SGCZ: variants seen among roughly 807,000 people sequenced by gnomAD.
SGCZ encodes sarcoglycan zeta, also known as zeta-sarcoglycan.
SGCZ carries 40 observed loss-of-function variants against 41.3 expected under a neutral mutation model. That is an observed-to-expected ratio of 0.97 (90% CI 0.75 to 1.26). The LOEUF is 1.26. SGCZ is among the 50% of genes most tolerant of loss of function. The pLI is 0.00. For synonymous variants in SGCZ, 206 were observed against 137.5 expected, an observed-to-expected ratio of 1.50 and a Z score of -3.49; for missense variants, 552 against 369.8, an observed-to-expected ratio of 1.49 and a Z score of -4.04.
chr8:14,440,848 T>G lies in SGCZ; in HGVS notation c.234+113884A>C, dbSNP rs534886598. Among the ~76,000 whole-genome samples the G allele has an allele frequency of 1.3e-4, 18 of 135,056 alleles. 1 individual carries two copies. The highest frequency in any genetic ancestry group is 2.4e-4 in the Non-Finnish European group (15 of 62,176). The allele number at this position is 135,056 out of a possible 152,430, so 88.6% of individuals were successfully genotyped here. A position where few individuals can be genotyped will look rare whatever the true frequency, so the allele number is the denominator to read the frequency against. ...ATATACATACATATATGTGTACATA[T>G]ATGTACACACACACACACACACACG... On this transcript the variant is annotated intron_variant, in intron 2 of 7. Coordinates refer to ENST00000382080, the MANE Select transcript of SGCZ (RefSeq NM_139167.4).
intron 1 of SGCZ, among the ~76,000 whole-genome samples, chr8:14,882,050 G>A (rs1364423905): frequency 1.3e-5 from 2 of 152,194 alleles, no homozygotes; most frequent in African/African-American, 4.8e-5. Context: ...TAACATACCT[G>A]AATTTCTGGG....
chr8:14,712,832 T>C (rs1446487462), intron 1 of SGCZ, among the ~76,000 whole-genome samples: 1 of 152,142 alleles, frequency 6.6e-6, no homozygotes, highest in African/African-American at 2.4e-5. Context: ...TTAATGTGAA[T>C]GAGTCACTGG....
chr8:14,658,826 G>A (rs558622858), intron 1 of SGCZ, among the ~76,000 whole-genome samples: 1 of 151,652 alleles, frequency 6.6e-6, no homozygotes, highest in East Asian at 1.9e-4. Flanking sequence ...GTATCTAGCA[G>A]AGAGCAGATG....
intron 3 of SGCZ, among the ~76,000 whole-genome samples, chr8:14,316,518 A>C (rs901457881): frequency 6.6e-6 from 1 of 152,024 alleles, no homozygotes; most frequent in South Asian, 2.1e-4. Context: ...CTAAAGCATA[A>C]TCGAGTTAAT....
chr8:14,519,525 C>G (rs1370154631), intron 2 of SGCZ, among the ~76,000 whole-genome samples: 1 of 152,010 alleles, frequency 6.6e-6, no homozygotes, highest in Non-Finnish European at 1.5e-5. Context: ...TTAAAAAACA[C>G]TTTATATATT....
At chr8:14,440,873 GCA>G (rs1183642300) in intron 2 of SGCZ, among the ~76,000 whole-genome samples, 1 of 146,800 alleles carries the variant, frequency 6.8e-6, no homozygotes, top group South Asian at 2.2e-4. Flanking sequence ...ACACACACAC[GCA>G]CACACATACA....
At chr8:14,885,521 T>G (rs1321933547) in intron 1 of SGCZ, among the ~76,000 whole-genome samples, 1 of 152,124 alleles carries the variant, frequency 6.6e-6, no homozygotes, top group Non-Finnish European at 1.5e-5. Context: ...TCTCAGTAGC[T>G]CAGCTGGTCC....
chr8:15,179,669 T>G (rs1393315255), intron 1 of SGCZ, among the ~76,000 whole-genome samples: 2 of 152,192 alleles, frequency 1.3e-5, no homozygotes, highest in African/African-American at 4.8e-5. Context: ...AAATGAGTAC[T>G]GTTTTGGTAT....
chr8:15,051,052 G>T (rs1804495312), intron 1 of SGCZ, among the ~76,000 whole-genome samples: 1 of 152,148 alleles, frequency 6.6e-6, no homozygotes, highest in African/African-American at 2.4e-5. Flanking sequence ...CATCTTGGTA[G>T]TTTAATAGGT....
At chr8:14,261,786 T>G (rs747846604) in intron 3 of SGCZ, among the ~76,000 whole-genome samples, 9 of 152,166 alleles carry the variant, frequency 5.9e-5, no homozygotes, top group Non-Finnish European at 1.0e-4. Flanking sequence ...TTATTCCATT[T>G]CATTAGGGTA....
At chr8:14,772,907 T>C (rs1306131660) in intron 1 of SGCZ, among the ~76,000 whole-genome samples, 3 of 152,062 alleles carry the variant, frequency 2.0e-5, no homozygotes, top group Non-Finnish European at 2.9e-5. Context: ...TGTGTCTTTA[T>C]AGCAGCATGA....
chr8:15,227,099 T>C (rs548486821), intron 1 of SGCZ, among the ~76,000 whole-genome samples: 147 of 152,158 alleles, frequency 9.7e-4, no homozygotes, highest in Non-Finnish European at 1.8e-3. Flanking sequence ...GGTGTGCATG[T>C]AGCCCAAGAG....
intron 1 of SGCZ, among the ~76,000 whole-genome samples, chr8:14,697,027 C>T (rs1479679610): frequency 6.6e-6 from 1 of 151,874 alleles, no homozygotes; most frequent in Non-Finnish European, 1.5e-5. Context: ...TATGGGGAAA[C>T]AGAGAGCTAC....
intron 2 of SGCZ, among the ~76,000 whole-genome samples, chr8:14,412,801 G>A (rs1799396488): frequency 6.6e-6 from 1 of 151,970 alleles, no homozygotes. Flanking sequence ...TATAAGGATG[G>A]CATAACTTTA....
At chr8:15,202,529 G>C (rs1800920608) in intron 1 of SGCZ, among the ~76,000 whole-genome samples, 1 of 152,102 alleles carries the variant, frequency 6.6e-6, no homozygotes, top group Non-Finnish European at 1.5e-5. Context: ...AGGGATAAAA[G>C]ACTACACATT....
At chr8:14,620,410 A>C (rs1441307399) in intron 1 of SGCZ, among the ~76,000 whole-genome samples, 1 of 152,340 alleles carries the variant, frequency 6.6e-6, no homozygotes, top group Non-Finnish European at 1.5e-5. Flanking sequence ...CACCAAAAGC[A>C]ATGGCAACAA....
At chr8:15,216,780 A>G (rs1801417484) in intron 1 of SGCZ, among the ~76,000 whole-genome samples, 1 of 152,122 alleles carries the variant, frequency 6.6e-6, no homozygotes, top group South Asian at 2.1e-4. Context: ...TGGAGTTACA[A>G]ACAGAAGACT....
chr8:14,698,632 G>T (rs1225908513), intron 1 of SGCZ, among the ~76,000 whole-genome samples: 1 of 151,838 alleles, frequency 6.6e-6, no homozygotes, highest in Non-Finnish European at 1.5e-5. Flanking sequence ...ATATGTGTGG[G>T]GGGGTATAAT....
intron 1 of SGCZ, among the ~76,000 whole-genome samples, chr8:15,032,195 C>T (rs1803698920): frequency 1.3e-5 from 2 of 152,082 alleles, no homozygotes; most frequent in South Asian, 4.1e-4. Context: ...CCCACAGAAA[C>T]ATCAACTTAT....
Sources: gnomAD v4.1 joint callset for allele counts (sites outside exome capture counted in the v4.1 genomes callset) on GRCh38, gnomAD v4.1.1 for gene constraint, MANE v1.5 for transcripts, NCBI Gene and HGNC (gene_info 2026-07-23, HGNC 2026-07-21) for gene names.